Variants in GALNTL6 observed in about 807,000 individuals in gnomAD.
GALNTL6 encodes polypeptide N-acetylgalactosaminyltransferase like 6, also known as polypeptide N-acetylgalactosaminyltransferase-like 6.
Under a neutral mutation model 73.7 loss-of-function variants are expected in GALNTL6, and 46 were observed. The observed-to-expected ratio is 0.62, with a 90% CI of 0.49 to 0.80. The LOEUF (loss-of-function observed/expected upper bound fraction) is 0.80, where lower values mean the gene tolerates loss of function less well. Among genes scored for constraint, GALNTL6 ranks in the 30% least tolerant of loss-of-function variants. The pLI is 0.00. For synonymous variants in GALNTL6, 259 were observed against 263.7 expected, an observed-to-expected ratio of 0.98 and a Z score of 0.17; for missense variants, 604 against 755.0, an observed-to-expected ratio of 0.80 and a Z score of 2.34.
intron 5 of GALNTL6, among the ~76,000 whole-genome samples, chr4:172,530,268 A>C (rs1225355637): frequency 6.6e-6 from 1 of 151,886 alleles, no homozygotes; most frequent in Non-Finnish European, 1.5e-5. Context: ...ATTAATTTTT[A>C]AACACTCAGC....
chr4:171,936,649 T>C (rs917104912), intron 2 of GALNTL6, among the ~76,000 whole-genome samples: 1 of 152,114 alleles, frequency 6.6e-6, no homozygotes, highest in Non-Finnish European at 1.5e-5. Context: ...TCTAAACTTG[T>C]TGGAAACCAA....
At chr4:171,905,389 A>T (rs1560834618) in intron 2 of GALNTL6, among the ~76,000 whole-genome samples, 3 of 152,192 alleles carry the variant, frequency 2.0e-5, no homozygotes, top group African/African-American at 7.2e-5. Context: ...AGATCAAAAG[A>T]CAAAGAAGGC....
At chr4:171,940,426 A>T (rs956344320) in intron 2 of GALNTL6, among the ~76,000 whole-genome samples, 2 of 152,166 alleles carry the variant, frequency 1.3e-5, no homozygotes, top group East Asian at 1.9e-4. Context: ...AATACAATTA[A>T]ATGAATCAAG....
Position 172,274,503 on chromosome 4 carries a change from G to A in GALNTL6, c.248-37111G>A, listed in dbSNP as rs75204592. 3.6e-3 allele frequency among the ~76,000 whole-genome samples: 555 copies of A among 152,242 alleles called. 1 individual carries two copies. Among genetic ancestry groups the A allele is most frequent in the African/African-American group, 0.013 (525 of 41,552 alleles). The stretch of plus-strand genomic sequence containing the variant: ...ATGTTCATTATCTGAGTATACGTTA[G>A]GACAAAGATAATTAATGGGTGGTTG... On this transcript the variant is annotated intron_variant, in intron 3 of 12. Transcript: ENST00000506823.
chr4:172,038,356 C>T (rs545362989), intron 2 of GALNTL6, among the ~76,000 whole-genome samples: 1 of 151,992 alleles, frequency 6.6e-6, no homozygotes, highest in South Asian at 2.1e-4. Context: ...AATAGATTGT[C>T]TTTTCTTCAA....
At chr4:172,050,587 A>G (rs1289171048) in intron 2 of GALNTL6, among the ~76,000 whole-genome samples, 1 of 152,170 alleles carries the variant, frequency 6.6e-6, no homozygotes. Flanking sequence ...GCACCCCTTT[A>G]TCTGAGGTCT....
At chr4:172,674,301 TC>T (rs909608689) in intron 5 of GALNTL6, among the ~76,000 whole-genome samples, 1 of 152,180 alleles carries the variant, frequency 6.6e-6, no homozygotes, top group African/African-American at 2.4e-5. Context: ...CTCCATCTCT[TC>T]TGTATTGTAG....
intron 5 of GALNTL6, among the ~76,000 whole-genome samples, chr4:172,589,547 C>A (rs1737554096): frequency 1.3e-5 from 2 of 152,170 alleles, no homozygotes; most frequent in Admixed American, 6.5e-5. Flanking sequence ...AGCTAGCCAC[C>A]AATTGATCTA....
intron 5 of GALNTL6, among the ~76,000 whole-genome samples, chr4:172,738,108 C>T (rs1736577614): frequency 6.6e-6 from 1 of 152,194 alleles, no homozygotes. Context: ...TGATGCTACT[C>T]ATGGGTTAAG....
chr4:172,125,921 G>A (rs1424319594), intron 2 of GALNTL6, among the ~76,000 whole-genome samples: 2 of 151,774 alleles, frequency 1.3e-5, no homozygotes, highest in African/African-American at 2.4e-5. Context: ...TTATTCTTTA[G>A]TTCAGTAAAG....
At chr4:173,035,167 C>T (rs1205448574) in intron 12 of GALNTL6, among the ~76,000 whole-genome samples, 1 of 148,840 alleles carries the variant, frequency 6.7e-6, no homozygotes, top group Non-Finnish European at 1.5e-5. Context: ...CATATGTATA[C>T]ATGTGCCATG....
intron 5 of GALNTL6, among the ~76,000 whole-genome samples, chr4:172,771,848 C>T (rs548935511): frequency 3.5e-4 from 53 of 151,944 alleles, no homozygotes; most frequent in Non-Finnish European, 3.1e-4. Context: ...AGAAAGATTT[C>T]AATCTTTTTT....
intron 9 of GALNTL6, among the ~76,000 whole-genome samples, chr4:172,938,771 A>T (rs996297914): frequency 6.6e-6 from 1 of 152,212 alleles, no homozygotes; most frequent in African/African-American, 2.4e-5. Flanking sequence ...ATGGTGGCCT[A>T]TCATGGGTTT....
chr4:172,151,679 C>T (rs778946135), intron 2 of GALNTL6, among the ~76,000 whole-genome samples: 18 of 152,010 alleles, frequency 1.2e-4, no homozygotes, highest in South Asian at 2.1e-4. Flanking sequence ...GTTTGTGAAA[C>T]GTGAACATGC....
At chr4:172,493,742 G>T (rs1162662925) in intron 5 of GALNTL6, among the ~76,000 whole-genome samples, 1 of 152,168 alleles carries the variant, frequency 6.6e-6, no homozygotes, top group African/African-American at 2.4e-5. Context: ...TGTTTAGAAA[G>T]CTTCATGGAA....
intron 5 of GALNTL6, among the ~76,000 whole-genome samples, chr4:172,790,630 G>A (rs865970785): frequency 5.3e-5 from 8 of 151,972 alleles, no homozygotes; most frequent in Non-Finnish European, 1.0e-4. Context: ...CAGTTCTCAC[G>A]CCTGTAGTCC....
chr4:172,879,957 A>G (rs1745373962), intron 7 of GALNTL6, among the ~76,000 whole-genome samples: 1 of 152,072 alleles, frequency 6.6e-6, no homozygotes, highest in Non-Finnish European at 1.5e-5. Context: ...CCAAAGGAAG[A>G]TACCACTACA....
At chr4:172,488,925 T>A (rs955231231) in intron 5 of GALNTL6, among the ~76,000 whole-genome samples, 11 of 152,282 alleles carry the variant, frequency 7.2e-5, no homozygotes, top group Admixed American at 2.6e-4. Context: ...GGACATGATC[T>A]AGCAACACTG....
intron 5 of GALNTL6, among the ~76,000 whole-genome samples, chr4:172,710,105 T>C (rs190866321): frequency 2.0e-5 from 3 of 152,268 alleles, no homozygotes; most frequent in Admixed American, 6.5e-5. Flanking sequence ...ACATTAAAAC[T>C]CATACATTTG....
Sources: allele counts gnomAD v4.1 joint callset (sites outside exome capture counted in the v4.1 genomes callset), GRCh38; gene constraint gnomAD v4.1.1; transcripts MANE v1.5; gene names NCBI Gene and HGNC (gene_info 2026-07-23, HGNC 2026-07-21).